Variants in ZCWPW1 observed in about 807,000 individuals in gnomAD.
ZCWPW1 encodes zinc finger CW-type and PWWP domain containing 1.
ZCWPW1 carries 56 observed loss-of-function variants against 81.3 expected under a neutral mutation model. The ratio of observed to expected loss-of-function variants is 0.69; its 90% CI spans 0.56 to 0.86. The LOEUF is 0.86. Among genes scored for constraint, ZCWPW1 ranks in the 40% least tolerant of loss-of-function variants. The probability of loss-of-function intolerance (pLI) is 0.00; values close to 1 mark genes in which losing one functional copy is unlikely to be tolerated. For missense variants in ZCWPW1, 650 were observed against 769.8 expected, an observed-to-expected ratio of 0.84 and a Z score of 1.84; for synonymous variants, 250 against 273.7, an observed-to-expected ratio of 0.91 and a Z score of 0.86.
chr7:100,423,803 T>C (rs113982369), intron 2 of ZCWPW1, among the ~76,000 whole-genome samples: 5,040 of 152,218 alleles, frequency 0.033, 287 homozygotes, highest in African/African-American at 0.12. Context: ...GCATGGTGGC[T>C]CACACCTGTA....
chr7:100,419,701 T>G lies in ZCWPW1; in HGVS notation c.211A>C (p.Asn71His). ...KKKEEKATMK[N>H]VPSREQEKKR... ...TTCTCCTGTTCCCTGCTTGGAACAT[T>G]CTTCATGGTTGCTTTTTCCTCTTTC... The change falls in exon 4 of 18, where the codon AAT (asparagine) becomes CAT (histidine). Residue 71 changes from asparagine to histidine, a missense_variant. Coordinates refer to ENST00000684423, the MANE Select transcript of ZCWPW1 (RefSeq NM_001386010.1). 1 of 1,614,128 alleles carries G rather than the reference T, an allele frequency of 6.2e-7. No individual in the cohort carries two copies. The highest frequency in any genetic ancestry group is 8.5e-7 in the Non-Finnish European group (1 of 1,180,028).
intron 4 of ZCWPW1, among the ~76,000 whole-genome samples, chr7:100,419,408 CCCCACCTCTAA>C (rs1795949241): frequency 6.6e-6 from 1 of 152,142 alleles, no homozygotes; most frequent in Admixed American, 6.5e-5. Context: ...CTACTTCTAT[CCCCACCTCTAA>C]CCCACCTCAT....
intron 8 of ZCWPW1, among the ~76,000 whole-genome samples, chr7:100,411,264 A>C (rs1794099279): frequency 6.6e-6 from 1 of 151,488 alleles, no homozygotes; most frequent in Non-Finnish European, 1.5e-5. Flanking sequence ...TCACTTTCGC[A>C]ATTACTTTTT....
intron 1 of ZCWPW1, among the ~76,000 whole-genome samples, chr7:100,427,568 G>A (rs1797876962): frequency 6.6e-6 from 1 of 151,818 alleles, no homozygotes; most frequent in Admixed American, 6.6e-5. Flanking sequence ...GCACAGTGGC[G>A]GGCGCCTGTA....
At position 100,410,899 on chromosome 7, in the gene ZCWPW1, T is replaced by C. The variant is rs184523211; in HGVS notation, c.755-1355A>G. On this transcript the variant is annotated intron_variant, in intron 8 of 17. Coordinates refer to ENST00000684423, the MANE Select transcript of ZCWPW1 (RefSeq NM_001386010.1). ...CTCTGTTCCACTCTGGTTTGATTAC[T>C]TGACATTTACTTGGATTCTCTTGTA... is the stretch of plus-strand genomic sequence containing the variant. Among the ~76,000 whole-genome samples, 91 of 152,362 alleles carry C rather than the reference T, an allele frequency of 6.0e-4. 2 individuals are homozygous for C. The East Asian group carries it at 6.0e-3, about 10-fold the overall frequency.
chr7:100,414,138 T>G (rs1794730085), intron 8 of ZCWPW1, among the ~76,000 whole-genome samples: 1 of 152,236 alleles, frequency 6.6e-6, no homozygotes, highest in Non-Finnish European at 1.5e-5. Context: ...TATACCTCAG[T>G]GCCTTATGTT....
At chr7:100,427,930 A>C (rs981553062) in intron 1 of ZCWPW1, among the ~76,000 whole-genome samples, 18 of 133,664 alleles carry the variant, frequency 1.3e-4, no homozygotes, top group Admixed American at 2.3e-4. Context: ...TCTCCCCTCC[A>C]CCCCCACTCC....
chr7:100,421,683 C>G (rs148332270), intron 2 of ZCWPW1, among the ~76,000 whole-genome samples: 1 of 151,974 alleles, frequency 6.6e-6, no homozygotes, highest in African/African-American at 2.4e-5. Flanking sequence ...ATGTTCCACA[C>G]GACATCAATG....
intron 1 of ZCWPW1, among the ~76,000 whole-genome samples, chr7:100,426,792 C>T (rs2130917832): frequency 8.4e-6 from 1 of 119,746 alleles, no homozygotes; most frequent in East Asian, 2.7e-4. Flanking sequence ...TTTCTCTCTC[C>T]CTCTTCCCTC....
chr7:100,416,465 G>A lies in ZCWPW1; in HGVS notation c.480-9C>T. 3 of 1,611,842 alleles carry A rather than the reference G, an allele frequency of 1.9e-6. No individual in the cohort carries two copies. The highest frequency in any genetic ancestry group is 8.5e-7 in the Non-Finnish European group (1 of 1,179,172). On this transcript the variant is annotated splice_polypyrimidine_tract_variant and intron_variant, in intron 6 of 17. Transcript: ENST00000684423. ...TATGTGGTACCTCCTCTCTGAAAAT[G>A]AGGTTTTATTTTAATGAAAGGTAAA...
In ZCWPW1 at chr7:100,416,434, C is replaced by G; in HGVS notation, c.502G>C (p.Glu168Gln). The change falls in exon 7 of 18, where the codon GAG (glutamate) becomes CAG (glutamine). Residue 168 changes from glutamate to glutamine, a missense_variant. Glu to Gln is a conservative substitution (Grantham distance 29). Transcript: ENST00000684423. ...TCACCTTCCCAAGACACTGAAATCT[C>G]TTGAGTATGTGGTACCTCCTCTCTG... ...ANGEEVPHTQ[E>Q]ISVSWEGEAA... The G allele has an allele frequency of 6.2e-7, 1 of 1,614,088 alleles. No individual in the cohort carries two copies. Among genetic ancestry groups the G allele is most frequent in the Non-Finnish European group, 8.5e-7 (1 of 1,180,004 alleles).
At chr7:100,414,624 C>G (rs571666864) in intron 8 of ZCWPW1, among the ~76,000 whole-genome samples, 2 of 152,082 alleles carry the variant, frequency 1.3e-5, no homozygotes, top group South Asian at 4.2e-4. Context: ...CTGTGTTGCC[C>G]AAGCTGGTCT....
At chr7:100,419,255 A>G in intron 4 of ZCWPW1, 66 bp from the exon 5 acceptor site, 1 of 1,410,172 alleles carries the variant, frequency 7.1e-7, no homozygotes, top group Non-Finnish European at 9.8e-7. Flanking sequence ...CTGAACAGTC[A>G]GGGAAGCCTC....
At chr7:100,413,451 T>C (rs1039826824) in intron 8 of ZCWPW1, among the ~76,000 whole-genome samples, 1 of 152,220 alleles carries the variant, frequency 6.6e-6, no homozygotes, top group Non-Finnish European at 1.5e-5. Context: ...GAAATACTGT[T>C]TCCTTAGAAA....
chr7:100,401,752 A>G (rs1175185522), intron 17 of ZCWPW1, 137 bp downstream of exon 17: 1 of 1,197,720 alleles, frequency 8.3e-7, no homozygotes, highest in Non-Finnish European at 1.2e-6. Context: ...GTGCAGTCCG[A>G]GACGCTCTTT....
intron 6 of ZCWPW1, 58 bp from the exon 7 acceptor site, chr7:100,416,514 C>G: frequency 6.3e-7 from 1 of 1,581,736 alleles, no homozygotes. Context: ...CAGAACTCTT[C>G]TTCTGAAAAA....
chr7:100,420,847 T>C (rs573181423), intron 2 of ZCWPW1, among the ~76,000 whole-genome samples, 169 bp from the exon 3 acceptor site: 1 of 152,314 alleles, frequency 6.6e-6, no homozygotes, highest in African/African-American at 2.4e-5. Flanking sequence ...AGTTACTGTT[T>C]TAAAGATTGG....
chr7:100,406,600 C>T, intron 12 of ZCWPW1, 94 bp downstream of exon 12: 2 of 1,190,044 alleles, frequency 1.7e-6, no homozygotes, highest in South Asian at 2.7e-5. Flanking sequence ...ACAGAACTTT[C>T]TCCCGACATG....
At chr7:100,410,811 T>C (rs938272412) in intron 8 of ZCWPW1, among the ~76,000 whole-genome samples, 2 of 152,210 alleles carry the variant, frequency 1.3e-5, no homozygotes, top group Non-Finnish European at 2.9e-5. Flanking sequence ...TTTCATTTTA[T>C]CTAGCTCTCC....
Sources: allele counts gnomAD v4.1 joint callset (sites outside exome capture counted in the v4.1 genomes callset), GRCh38; gene constraint gnomAD v4.1.1; transcripts MANE v1.5; gene names NCBI Gene and HGNC (gene_info 2026-07-23, HGNC 2026-07-21).